The following SPMIP2 variants were observed in gnomAD, a reference collection of about 807,000 sequenced individuals.
The protein encoded by SPMIP2 is protein SPMIP2.
the SPMIP2 span, among the ~76,000 whole-genome samples, chr4:158,930,191 G>GTCTCTCTCTCTCTCTCTCTCTCTCTCTC: frequency 1.5e-4 from 22 of 144,250 alleles, no homozygotes; most frequent in African/African-American, 5.8e-4. Context: ...GAGGATCTCA[G>GTCTCTCTCTCTCTCTCTCTCTCTCTCTC]TCTCTCTCTC....
chr4:159,058,521 CA>C, the SPMIP2 span, among the ~76,000 whole-genome samples: 1 of 152,026 alleles, frequency 6.6e-6, no homozygotes, highest in Non-Finnish European at 1.5e-5. Flanking sequence ...GTAAAACATT[CA>C]CATTATACTT....
At chr4:158,904,642 G>C in the SPMIP2 span, 1 of 1,053,632 alleles carries the variant, frequency 9.5e-7, no homozygotes, top group Admixed American at 2.0e-5. Context: ...AGCATGAGAA[G>C]AGCAAACAGA....
chr4:159,063,665 T>G, the SPMIP2 span, among the ~76,000 whole-genome samples: 1 of 152,166 alleles, frequency 6.6e-6, no homozygotes, highest in Non-Finnish European at 1.5e-5. Context: ...TTTTATTTGT[T>G]TATTTAAGTA....
the SPMIP2 span, among the ~76,000 whole-genome samples, chr4:159,021,641 G>C: frequency 6.6e-6 from 1 of 152,174 alleles, no homozygotes; most frequent in South Asian, 2.1e-4. Flanking sequence ...AGGATTTACT[G>C]CAAATCCTGA....
chr4:159,065,918 T>C, the SPMIP2 span, among the ~76,000 whole-genome samples: 1 of 152,196 alleles, frequency 6.6e-6, no homozygotes, highest in African/African-American at 2.4e-5. Flanking sequence ...TTTCCAAGGG[T>C]CACATAGCTA....
the SPMIP2 span, among the ~76,000 whole-genome samples, chr4:158,924,691 T>C: frequency 3.3e-5 from 5 of 152,088 alleles, no homozygotes; most frequent in Non-Finnish European, 7.4e-5. Flanking sequence ...CTATTTGTTT[T>C]TTCAAACAGG....
chr4:159,015,625 A>G, the SPMIP2 span, among the ~76,000 whole-genome samples: 2 of 152,228 alleles, frequency 1.3e-5, no homozygotes, highest in Admixed American at 6.5e-5. Flanking sequence ...TTCTATTAGA[A>G]AAAAGAGAGT....
chr4:158,942,311 A>T, the SPMIP2 span, among the ~76,000 whole-genome samples: 2 of 152,230 alleles, frequency 1.3e-5, no homozygotes, highest in Non-Finnish European at 2.9e-5. Flanking sequence ...CTTCAAGCTC[A>T]GGTGAACTTA....
chr4:158,908,481 T>C, the SPMIP2 span, among the ~76,000 whole-genome samples: 1 of 152,230 alleles, frequency 6.6e-6, no homozygotes. Context: ...AGGGAAGATT[T>C]TTACTTTGTA....
the SPMIP2 span, among the ~76,000 whole-genome samples, chr4:158,995,144 C>A: frequency 6.6e-6 from 1 of 152,142 alleles, no homozygotes; most frequent in African/African-American, 2.4e-5. Flanking sequence ...TCTTGAATTC[C>A]TGGCCCCAAG....
the SPMIP2 span, among the ~76,000 whole-genome samples, chr4:159,058,269 AG>A: frequency 6.6e-6 from 1 of 151,464 alleles, no homozygotes; most frequent in Admixed American, 6.6e-5. Context: ...TCATGTCTGC[AG>A]GCAGAAGCAA....
chr4:159,048,113 C>T, the SPMIP2 span, among the ~76,000 whole-genome samples: 2 of 152,102 alleles, frequency 1.3e-5, no homozygotes, highest in African/African-American at 4.8e-5. Context: ...TTTTGCCTTT[C>T]TCTAGGCCAC....
the SPMIP2 span, among the ~76,000 whole-genome samples, chr4:158,956,711 G>A: frequency 6.6e-6 from 1 of 152,162 alleles, no homozygotes; most frequent in Admixed American, 6.5e-5. Flanking sequence ...TCATCAGATT[G>A]CTGTATACAC....
chr4:158,900,986 C>T, the SPMIP2 span, among the ~76,000 whole-genome samples: 7,009 of 152,156 alleles, frequency 0.046, 421 homozygotes, highest in African/African-American at 0.14. Context: ...TTTTTCCTTT[C>T]CATGTAGTGC....
chr4:158,960,176 T>C, the SPMIP2 span: 154,611 of 656,548 alleles, frequency 0.24, 19,574 homozygotes, highest in Non-Finnish European at 0.27. Context: ...AAAACCTACA[T>C]GAAATAAAAA....
the SPMIP2 span, among the ~76,000 whole-genome samples, chr4:159,032,354 C>T: frequency 1.3e-5 from 2 of 152,054 alleles, no homozygotes; most frequent in Non-Finnish European, 2.9e-5. Context: ...TCTATATATA[C>T]CACATGAAAA....
chr4:159,062,217 A>G, the SPMIP2 span, among the ~76,000 whole-genome samples: 3 of 152,334 alleles, frequency 2.0e-5, no homozygotes, highest in African/African-American at 7.2e-5. Context: ...TTATTTTTGT[A>G]GTAGTTACCT....
chr4:158,975,260 T>C, the SPMIP2 span, among the ~76,000 whole-genome samples: 96,600 of 136,808 alleles, frequency 0.71, 31,015 homozygotes, highest in Middle Eastern at 0.75. Context: ...CTGTTCACTC[T>C]GATGATAGTT....
At chr4:159,071,621 C>T in the SPMIP2 span, among the ~76,000 whole-genome samples, 2 of 152,246 alleles carry the variant, frequency 1.3e-5, no homozygotes, top group East Asian at 1.9e-4. Context: ...AAAGTCTGAA[C>T]ATCCTGATAG....
Sources: allele counts gnomAD v4.1 joint callset (sites outside exome capture counted in the v4.1 genomes callset), GRCh38; gene constraint gnomAD v4.1.1; transcripts MANE v1.5; gene names NCBI Gene and HGNC (gene_info 2026-07-23, HGNC 2026-07-21).